KIAA1217: variants seen among roughly 807,000 people sequenced by gnomAD.
The protein encoded by KIAA1217 is KIAA1217, also known as sickle tail protein homolog.
KIAA1217 carries 88 observed loss-of-function variants against 163.9 expected under a neutral mutation model. The ratio of observed to expected loss-of-function variants is 0.54; its 90% CI spans 0.45 to 0.64. The LOEUF (loss-of-function observed/expected upper bound fraction) is 0.64, where lower values mean the gene tolerates loss of function less well. KIAA1217 is among the 30% of genes least tolerant of loss of function. KIAA1217 has a pLI of 0.00. For synonymous variants in KIAA1217, 903 were observed against 923.1 expected, an observed-to-expected ratio of 0.98 and a Z score of 0.39; for missense variants, 2,372 against 2,475.0, an observed-to-expected ratio of 0.96 and a Z score of 0.88.
intron 2 of KIAA1217, among the ~76,000 whole-genome samples, chr10:24,170,816 T>C (rs2065593501): frequency 6.6e-6 from 1 of 152,158 alleles, no homozygotes. Flanking sequence ...AAAATAGTAG[T>C]GTGTAGCTGT....
At chr10:24,446,333 G>T (rs911798487) in intron 5 of KIAA1217, among the ~76,000 whole-genome samples, 4 of 151,650 alleles carry the variant, frequency 2.6e-5, no homozygotes, top group Non-Finnish European at 4.4e-5. Flanking sequence ...CTCTTTCATG[G>T]TATCTTTTTA....
At chr10:23,801,123 C>T (rs1488693372) in intron 1 of KIAA1217, among the ~76,000 whole-genome samples, 1 of 152,046 alleles carries the variant, frequency 6.6e-6, no homozygotes, top group Admixed American at 6.6e-5. Context: ...GGCACATATA[C>T]ACCATGGAAT....
chr10:23,904,964 T>C lies in KIAA1217; in HGVS notation c.-320-102261T>C, dbSNP rs550761469. On this transcript the variant is annotated intron_variant, in intron 1 of 18. Transcript: ENST00000376462. ...CCTCTAATTCTAAATCTTCTTTTTT[T>C]TTTTTCTACCCACCATCATGATGGA... Among the ~76,000 whole-genome samples, 277 of 152,058 alleles carry C rather than the reference T, an allele frequency of 1.8e-3. 2 individuals are homozygous for C. The highest frequency in any genetic ancestry group is 1.4e-3 in the Non-Finnish European group (97 of 67,966).
rs1420302818 is a variant in KIAA1217 at position 23,934,575 on chromosome 10, A to ATGTGTGTGTGTGTGTATGTG, written c.-320-72649_-320-72648insGTGTGTGTGTGTGTATGTGT. Among the ~76,000 whole-genome samples the ATGTGTGTGTGTGTGTATGTG allele has an allele frequency of 1.5e-4, 10 of 65,964 alleles. 1 individual carries two copies. Among genetic ancestry groups the ATGTGTGTGTGTGTGTATGTG allele is most frequent in the Non-Finnish European group, 2.3e-4 (9 of 39,098 alleles). 43.3% of individuals were successfully genotyped at this position (65,964 alleles called of 152,430 possible). ...CTTTAAAGTATATATATATATATATATATATATATATATATGTATATATAT... is the reference window on the plus strand; with the variant it reads ...CTTTAAAGTATATATATATATATATATGTGTGTGTGTGTGTATGTGTATATATATATATATGTATATATAT... On this transcript the variant is annotated intron_variant, in intron 1 of 18. Transcript: ENST00000376462.
At chr10:23,929,320 T>A (rs1031283062) in intron 1 of KIAA1217, among the ~76,000 whole-genome samples, 2 of 152,130 alleles carry the variant, frequency 1.3e-5, no homozygotes, top group African/African-American at 2.4e-5. Flanking sequence ...TTTTATTTTT[T>A]ATTTTTTTTT....
chr10:23,819,292 A>G (rs1323714082), intron 1 of KIAA1217, among the ~76,000 whole-genome samples: 3 of 152,146 alleles, frequency 2.0e-5, no homozygotes, highest in Non-Finnish European at 2.9e-5. Flanking sequence ...TGTAAGCAGA[A>G]CTGTTGTTTG....
chr10:24,230,493 A>ATTTGT (rs1444761640), intron 2 of KIAA1217, among the ~76,000 whole-genome samples: 17 of 89,068 alleles, frequency 1.9e-4, no homozygotes, highest in African/African-American at 6.0e-4. Context: ...AGGCACTACT[A>ATTTGT]TTTGTTTTGT....
At chr10:24,268,976 G>A (rs1389435549) in intron 2 of KIAA1217, among the ~76,000 whole-genome samples, 26 of 143,332 alleles carry the variant, frequency 1.8e-4, no homozygotes, top group Admixed American at 7.1e-5. Flanking sequence ...ACCAAACACC[G>A]CATATTCTCA....
chr10:23,878,706 G>T (rs79286338), intron 1 of KIAA1217, among the ~76,000 whole-genome samples: 3,028 of 152,038 alleles, frequency 0.02, 95 homozygotes, highest in African/African-American at 0.065. Context: ...GGCGATGAAT[G>T]GAAGAAGTAA....
intron 1 of KIAA1217, among the ~76,000 whole-genome samples, chr10:23,702,557 A>G (rs1288679399): frequency 6.6e-6 from 1 of 151,996 alleles, no homozygotes; most frequent in Non-Finnish European, 1.5e-5. Context: ...ATTTGTAATT[A>G]ATAAAATCTT....
intron 2 of KIAA1217, among the ~76,000 whole-genome samples, chr10:24,178,383 G>A (rs953133821): frequency 1.3e-5 from 2 of 152,246 alleles, no homozygotes; most frequent in African/African-American, 4.8e-5. Context: ...AGAATCTGCA[G>A]TTGAGTTGGG....
At chr10:24,308,635 G>C (rs907579912) in intron 2 of KIAA1217, among the ~76,000 whole-genome samples, 1 of 152,174 alleles carries the variant, frequency 6.6e-6, no homozygotes, top group African/African-American at 2.4e-5. Context: ...AGAAAAACCT[G>C]TGCGTATCCA....
At chr10:24,309,464 G>T (rs2042430642) in intron 2 of KIAA1217, among the ~76,000 whole-genome samples, 1 of 152,074 alleles carries the variant, frequency 6.6e-6, no homozygotes, top group African/African-American at 2.4e-5. Context: ...TCTCTGTAAA[G>T]ACCTGCAATG....
intron 5 of KIAA1217, among the ~76,000 whole-genome samples, chr10:24,455,286 T>C (rs1592083033): frequency 1.3e-5 from 2 of 152,178 alleles, no homozygotes; most frequent in African/African-American, 2.4e-5. Flanking sequence ...CTCATATACA[T>C]AGAGTATCTT....
At chr10:23,851,800 A>G (rs1839347096) in intron 1 of KIAA1217, among the ~76,000 whole-genome samples, 1 of 152,070 alleles carries the variant, frequency 6.6e-6, no homozygotes, top group Non-Finnish European at 1.5e-5. Flanking sequence ...TTTTGGCTGC[A>G]TAAATGTCTT....
intron 1 of KIAA1217, among the ~76,000 whole-genome samples, chr10:23,773,048 A>G (rs1834861658): frequency 6.6e-6 from 1 of 151,826 alleles, no homozygotes; most frequent in African/African-American, 2.4e-5. Context: ...TTCTTTTTGG[A>G]ACCCCTGATG....
At chr10:23,956,845 C>T (rs746923961) in intron 1 of KIAA1217, among the ~76,000 whole-genome samples, 1 of 152,076 alleles carries the variant, frequency 6.6e-6, no homozygotes, top group Non-Finnish European at 1.5e-5. Context: ...TTACTCATTA[C>T]GAGGACAGCA....
intron 2 of KIAA1217, among the ~76,000 whole-genome samples, chr10:24,084,275 C>T (rs551762519): frequency 1.3e-5 from 2 of 152,154 alleles, no homozygotes; most frequent in Admixed American, 6.5e-5. Flanking sequence ...ATTTGGTTCA[C>T]GATGTTTCAC....
chr10:24,355,325 T>C (rs1287301403), intron 2 of KIAA1217, among the ~76,000 whole-genome samples: 1 of 152,172 alleles, frequency 6.6e-6, no homozygotes, highest in Non-Finnish European at 1.5e-5. Context: ...TACCATCGAC[T>C]TGGGGGCTTA....
Sources: gnomAD v4.1 joint callset for allele counts (sites outside exome capture counted in the v4.1 genomes callset) on GRCh38, gnomAD v4.1.1 for gene constraint, MANE v1.5 for transcripts, NCBI Gene and HGNC (gene_info 2026-07-23, HGNC 2026-07-21) for gene names.